The following CNTNAP2 variants were observed in gnomAD, a reference collection of about 807,000 sequenced individuals.
CNTNAP2 encodes contactin-associated protein-like 2.
In CNTNAP2, 98 loss-of-function variants were observed where a neutral mutation model predicts 155.2. The ratio of observed to expected loss-of-function variants is 0.63; its 90% CI spans 0.54 to 0.75. CNTNAP2 has a LOEUF of 0.75. Ranked by LOEUF, CNTNAP2 falls within the 30% of genes least tolerant of loss-of-function variation. The pLI is 0.00. For missense variants in CNTNAP2, 1,727 were observed against 1,688.1 expected (o/e 1.02, Z -0.40); for synonymous variants, 651 against 631.2 (o/e 1.03, Z -0.47).
At chr7:148,383,164 G>A (rs906782425) in intron 21 of CNTNAP2, among the ~76,000 whole-genome samples, 5 of 149,918 alleles carry the variant, frequency 3.3e-5, no homozygotes, top group South Asian at 2.1e-4. Context: ...AGATGTTCAC[G>A]TACAGGCTAC....
Position 147,047,201 on chromosome 7 carries a change from C to T in CNTNAP2, c.550+3147C>T, listed in dbSNP as rs143085619. Among the ~76,000 whole-genome samples, 388 of 145,652 alleles carry T rather than the reference C, an allele frequency of 2.7e-3. 1 individual carries two copies. Among genetic ancestry groups the T allele is most frequent in the African/African-American group, 9.2e-3 (364 of 39,742 alleles). On this transcript the variant is annotated intron_variant, in intron 4 of 23. Transcript: ENST00000361727. ...TTGGCTCACTGCATGCTCTGCCTCC[C>T]GGGTTCATGCCATTGTCCTGCCTCA...
rs1007097046 is a variant in CNTNAP2 at position 147,131,893 on chromosome 7, G to A, written c.1084-352G>A. On this transcript the variant is annotated intron_variant, in intron 7 of 23. Coordinates refer to ENST00000361727, the MANE Select transcript of CNTNAP2 (RefSeq NM_014141.6). Reference sequence around the variant, plus strand: ...CCTGACTTATGTTCGGCCAGCAGTAGCTTTGCTGTCTTCAGAAAGTCTAGT... The same window carrying A: ...CCTGACTTATGTTCGGCCAGCAGTAACTTTGCTGTCTTCAGAAAGTCTAGT... Among the ~76,000 whole-genome samples, 13 of 151,906 alleles carry A rather than the reference G, an allele frequency of 8.6e-5. No individual in the cohort carries two copies. In the South Asian group the frequency reaches 2.5e-3, roughly 29 times the overall value.
chr7:146,893,365 T>G (rs1049725691), intron 3 of CNTNAP2, among the ~76,000 whole-genome samples: 2 of 151,880 alleles, frequency 1.3e-5, no homozygotes, highest in African/African-American at 4.8e-5. Context: ...TATTTTAAGA[T>G]AAATCTATCA....
At chr7:146,463,824 A>G (rs1443033402) in intron 1 of CNTNAP2, among the ~76,000 whole-genome samples, 1 of 152,124 alleles carries the variant, frequency 6.6e-6, no homozygotes, top group Non-Finnish European at 1.5e-5. Context: ...TAAAAAAATG[A>G]TGGCAGGTTT....
At chr7:148,312,699 A>G (rs1176612090) in intron 21 of CNTNAP2, among the ~76,000 whole-genome samples, 4 of 151,966 alleles carry the variant, frequency 2.6e-5, no homozygotes, top group Non-Finnish European at 5.9e-5. Context: ...AAAATGGGGG[A>G]ATTGTAAGGG....
intron 11 of CNTNAP2, among the ~76,000 whole-genome samples, chr7:147,518,369 T>G (rs1236162868): frequency 6.6e-6 from 1 of 152,030 alleles, no homozygotes; most frequent in Non-Finnish European, 1.5e-5. Context: ...GAGAAGGTGG[T>G]AGACCACTAG....
chr7:147,033,798 GAA>G lies in CNTNAP2; in HGVS notation c.403-10094_403-10093del, dbSNP rs71525985. On this transcript the variant is annotated intron_variant, in intron 3 of 23. Transcript: ENST00000361727. ...AGTAATCACAATTGAGTGAAGAGGG[GAA>G]AAAAAAAAAAAAAACACAGGATGCT... Among the ~76,000 whole-genome samples, 1,016 of 118,882 alleles carry G rather than the reference GAA, an allele frequency of 8.5e-3. 13 individuals carry two copies. The highest frequency in any genetic ancestry group is 0.042 in the Middle Eastern group (9 of 212). 78.0% of individuals were successfully genotyped at this position (118,882 alleles called of 152,430 possible).
chr7:146,679,083 G>A (rs1476878722), intron 1 of CNTNAP2, among the ~76,000 whole-genome samples: 2 of 152,072 alleles, frequency 1.3e-5, no homozygotes, highest in African/African-American at 4.8e-5. Flanking sequence ...TTGGAGGCCT[G>A]TTGTATAGAT....
intron 9 of CNTNAP2, among the ~76,000 whole-genome samples, chr7:147,387,457 G>A (rs1231237887): frequency 1.3e-5 from 2 of 152,068 alleles, no homozygotes; most frequent in Non-Finnish European, 2.9e-5. Flanking sequence ...ATCTCATCAG[G>A]TGGCCCCCCA....
At chr7:147,048,067 ATTTTTTT>A (rs11352009) in intron 4 of CNTNAP2, among the ~76,000 whole-genome samples, 118 of 90,380 alleles carry the variant, frequency 1.3e-3, no homozygotes, top group African/African-American at 5.0e-3. Context: ...CGGAGAGACA[ATTTTTTT>A]TTTTTTTTTT....
chr7:147,761,461 C>T (rs193021957), intron 13 of CNTNAP2, among the ~76,000 whole-genome samples: 5 of 152,180 alleles, frequency 3.3e-5, no homozygotes, highest in East Asian at 1.9e-4. Flanking sequence ...CAGAAAGCCC[C>T]GAAGTGCCTG....
intron 15 of CNTNAP2, among the ~76,000 whole-genome samples, chr7:148,080,088 G>T (rs1803565206): frequency 6.6e-6 from 1 of 152,182 alleles, no homozygotes; most frequent in African/African-American, 2.4e-5. Context: ...CAACACTCCA[G>T]GTTGATTGTG....
chr7:146,844,915 T>C (rs776345737), intron 3 of CNTNAP2, among the ~76,000 whole-genome samples: 3 of 152,176 alleles, frequency 2.0e-5, no homozygotes, highest in Non-Finnish European at 2.9e-5. Flanking sequence ...AATGGAGAAT[T>C]CTACAGAACA....
At chr7:148,313,304 G>A (rs1471263718) in intron 21 of CNTNAP2, among the ~76,000 whole-genome samples, 1 of 150,766 alleles carries the variant, frequency 6.6e-6, no homozygotes, top group Non-Finnish European at 1.5e-5. Context: ...GAGGTGATCG[G>A]GCAGCGTCCG....
intron 1 of CNTNAP2, among the ~76,000 whole-genome samples, chr7:146,380,777 G>A (rs1186436108): frequency 9.2e-6 from 1 of 108,864 alleles, no homozygotes; most frequent in Non-Finnish European, 1.9e-5. Flanking sequence ...TGCTTCTTAT[G>A]CACGTTCTTT....
chr7:146,772,024 T>C (rs1802301030), intron 1 of CNTNAP2, among the ~76,000 whole-genome samples: 2 of 152,158 alleles, frequency 1.3e-5, no homozygotes, highest in Admixed American at 6.5e-5. Flanking sequence ...CATTCATTCA[T>C]TTATCCTACA....
At chr7:146,589,177 T>C (rs1037283302) in intron 1 of CNTNAP2, among the ~76,000 whole-genome samples, 2 of 152,152 alleles carry the variant, frequency 1.3e-5, no homozygotes, top group African/African-American at 4.8e-5. Context: ...AAGAATGCTA[T>C]TGAAAGTGGA....
chr7:147,165,351 T>G (rs550005693), intron 8 of CNTNAP2, among the ~76,000 whole-genome samples: 17 of 146,364 alleles, frequency 1.2e-4, no homozygotes, highest in South Asian at 6.8e-4. Context: ...GGATTGTTGG[T>G]TTTTTTTTCT....
chr7:147,123,622 A>G (rs974780145), intron 6 of CNTNAP2, among the ~76,000 whole-genome samples: 1 of 152,274 alleles, frequency 6.6e-6, no homozygotes, highest in African/African-American at 2.4e-5. Context: ...CTGCCAGATT[A>G]TGGTCCTCTT....
Sources: allele counts gnomAD v4.1 joint callset (sites outside exome capture counted in the v4.1 genomes callset), GRCh38; gene constraint gnomAD v4.1.1; transcripts MANE v1.5; gene names NCBI Gene and HGNC (gene_info 2026-07-23, HGNC 2026-07-21).